Variants in DZIP3 observed in about 807,000 individuals in gnomAD.
The protein encoded by DZIP3 is E3 ubiquitin-protein ligase DZIP3.
Under a neutral mutation model 162.0 loss-of-function variants are expected in DZIP3, and 118 were observed. That is an observed-to-expected ratio of 0.73 (90% CI 0.63 to 0.85). The LOEUF is 0.85. Ranked by LOEUF, DZIP3 falls within the 40% of genes least tolerant of loss-of-function variation. The probability of loss-of-function intolerance (pLI) is 0.00; values close to 1 mark genes in which losing one functional copy is unlikely to be tolerated. For synonymous variants in DZIP3, 438 were observed against 458.6 expected, an observed-to-expected ratio of 0.96 and a Z score of 0.57; for missense variants, 1,331 against 1,407.0, an observed-to-expected ratio of 0.95 and a Z score of 0.86.
At chr3:108,664,987 C>T (rs1943609621) in intron 21 of DZIP3, among the ~76,000 whole-genome samples, 1 of 152,128 alleles carries the variant, frequency 6.6e-6, no homozygotes. Flanking sequence ...TTGGCTTTTA[C>T]ATTATGCCTC....
In DZIP3 at chr3:108,672,440, A is replaced by C. The variant is rs1391204449; in HGVS notation, c.2493-120A>C. The C allele has an allele frequency of 1.2e-5, 10 of 802,026 alleles. No homozygotes were observed. The African/African-American group carries it at 1.6e-4, about 12-fold the overall frequency. 49.7% of individuals were successfully genotyped at this position (802,026 alleles called of 1,614,324 possible). A position where few individuals can be genotyped will look rare whatever the true frequency, so the allele number is the denominator to read the frequency against. The stretch of plus-strand genomic sequence containing the variant: ...ATCTTCTCTTGTTTCTATGTGCTCT[A>C]TACTTTTCCAAGAAATAATTTCCTA... On this transcript the variant is annotated intron_variant, in intron 22 of 32. Coordinates refer to ENST00000361582, the MANE Select transcript of DZIP3 (RefSeq NM_014648.4).
At chr3:108,625,206 T>G (rs977291918) in intron 6 of DZIP3, among the ~76,000 whole-genome samples, 5 of 152,174 alleles carry the variant, frequency 3.3e-5, no homozygotes, top group African/African-American at 1.2e-4. Context: ...CTGAAGCATC[T>G]ATTATAACAG....
At chr3:108,634,502 G>GT (rs1942047881) in intron 9 of DZIP3, among the ~76,000 whole-genome samples, 1 of 152,082 alleles carries the variant, frequency 6.6e-6, no homozygotes, top group Non-Finnish European at 1.5e-5. Flanking sequence ...GATTCAGGCA[G>GT]TAATGGTATG....
At chr3:108,606,203 A>G (rs1478663074) in intron 2 of DZIP3, among the ~76,000 whole-genome samples, 1 of 152,204 alleles carries the variant, frequency 6.6e-6, no homozygotes, top group African/African-American at 2.4e-5. Context: ...AGCATGATGC[A>G]GAAGACCCTG....
In DZIP3 at chr3:108,611,172, A is replaced by G. The variant is rs1234539200; in HGVS notation, c.103-2A>G. ...AAATTTTTAATCAATAATGTCTTCT[A>G]GAACAAACAGGAAAATGACATACCT... On this transcript the variant is annotated splice_acceptor_variant, in intron 3 of 32. Coordinates refer to ENST00000361582, the MANE Select transcript of DZIP3 (RefSeq NM_014648.4). LOFTEE classifies it high-confidence loss of function. The G allele has an allele frequency of 6.3e-7, 1 of 1,584,140 alleles. No homozygotes were observed.
intron 12 of DZIP3, 100 bp from the exon 13 acceptor site, chr3:108,642,338 G>A: frequency 8.1e-7 from 1 of 1,235,740 alleles, no homozygotes; most frequent in East Asian, 3.0e-5. Flanking sequence ...ATTTCTAGGA[G>A]AAGATGAAAA....
intron 19 of DZIP3, among the ~76,000 whole-genome samples, chr3:108,658,044 G>GTTTTTTTTA (rs771755899): frequency 8.6e-5 from 13 of 151,958 alleles, no homozygotes; most frequent in Admixed American, 8.5e-4. Flanking sequence ...AATCATGGGA[G>GTTTTTTTTA]ACTTTAACAC....
In DZIP3 at chr3:108,647,957, G is replaced by T; in HGVS notation, c.1807G>T (p.Glu603Ter). The change falls in exon 16 of 33, where the codon GAG becomes TAG. Residue 603 changes from glutamate (E) to a stop codon, truncating the protein, a stop_gained. Coordinates refer to ENST00000361582, the MANE Select transcript of DZIP3 (RefSeq NM_014648.4). LOFTEE classifies it high-confidence loss of function. ...ITGSQRIEIE[E>*]LQNEEEELSP... The stretch of plus-strand genomic sequence containing the variant: ...TTTATGTTTAGGTATTGAAATAGAA[G>T]AGTTACAGAATGAGGAAGAAGAACT... The T allele has an allele frequency of 6.4e-7, 1 of 1,558,208 alleles. No individual in the cohort carries two copies. The highest frequency in any genetic ancestry group is 8.6e-7 in the Non-Finnish European group (1 of 1,159,294).
Position 108,611,198 on chromosome 3 carries a change from A to G in DZIP3, c.127A>G (p.Thr43Ala). Residue 43 changes from threonine (T) to alanine (A), a missense_variant, in exon 4 of 33, where the codon ACT becomes GCT. Thr to Ala is a moderately conservative substitution (Grantham distance 58, BLOSUM62 0). Coordinates refer to ENST00000361582, the MANE Select transcript of DZIP3 (RefSeq NM_014648.4). ...GAACAAACAGGAAAATGACATACCT[A>G]CTGATCTTGTCCCTGTTAACCTACT... ...QLNKQENDIP[T>A]DLVPVNLLLE... 1 of 1,600,974 alleles carries G rather than the reference A, an allele frequency of 6.2e-7. No homozygotes were observed. Among genetic ancestry groups the G allele is most frequent in the Non-Finnish European group, 8.5e-7 (1 of 1,177,040 alleles).
Position 108,672,542 on chromosome 3 carries a change from A to G in DZIP3, c.2493-18A>G, listed in dbSNP as rs1559775924. On this transcript the variant is annotated intron_variant, in intron 22 of 32. Transcript: ENST00000361582. ...GCTTGATGTAATATTGCGAGTCTTTAATGATCATGTATTTCAGATCTCAGT... is the reference window on the plus strand; with the variant it reads ...GCTTGATGTAATATTGCGAGTCTTTGATGATCATGTATTTCAGATCTCAGT... The G allele has an allele frequency of 1.3e-6, 2 of 1,599,378 alleles. No individual in the cohort carries two copies. The highest frequency in any genetic ancestry group is 3.3e-5 in the Admixed American group (2 of 59,748).
intron 5 of DZIP3, among the ~76,000 whole-genome samples, chr3:108,617,854 C>T (rs774856212): frequency 9.2e-5 from 14 of 152,178 alleles, no homozygotes; most frequent in Non-Finnish European, 2.1e-4. Flanking sequence ...TGAAATCAGC[C>T]TTAACAGGTA....
At chr3:108,594,206 T>C (rs1641117914) in intron 1 of DZIP3, among the ~76,000 whole-genome samples, 1 of 152,128 alleles carries the variant, frequency 6.6e-6, no homozygotes, top group Non-Finnish European at 1.5e-5. Flanking sequence ...TTTATTCAGC[T>C]TTTCAAGAAC....
intron 32 of DZIP3, among the ~76,000 whole-genome samples, chr3:108,691,681 G>A (rs2107448780): frequency 6.6e-6 from 1 of 152,288 alleles, no homozygotes; most frequent in Admixed American, 6.5e-5. Flanking sequence ...AGGAAAGTGA[G>A]TGAGACTTCC....
intron 3 of DZIP3, among the ~76,000 whole-genome samples, chr3:108,608,544 C>T (rs562958946): frequency 2.6e-4 from 39 of 152,110 alleles, no homozygotes; most frequent in Non-Finnish European, 4.9e-4. Flanking sequence ...TTTACTAAGA[C>T]GTTTGAGTCA....
chr3:108,634,187 G>A (rs1280318078), intron 9 of DZIP3, among the ~76,000 whole-genome samples: 1 of 152,122 alleles, frequency 6.6e-6, no homozygotes, highest in African/African-American at 2.4e-5. Context: ...AGTGAGCCTG[G>A]TGAGATGTAG....
chr3:108,678,932 C>T (rs1388660801), intron 26 of DZIP3, among the ~76,000 whole-genome samples: 1 of 147,076 alleles, frequency 6.8e-6, no homozygotes, highest in Non-Finnish European at 1.5e-5. Context: ...ATGGGATATA[C>T]ATCATGGGCT....
In DZIP3 at chr3:108,643,573, T is replaced by G. The variant is rs77730685; in HGVS notation, c.1142-591T>G. Among the ~76,000 whole-genome samples the G allele has an allele frequency of 9.8e-4, 148 of 150,938 alleles. 2 individuals carry two copies. In the East Asian group the frequency reaches 0.026, roughly 26 times the overall value. On this transcript the variant is annotated intron_variant, in intron 13 of 32. Coordinates refer to ENST00000361582, the MANE Select transcript of DZIP3 (RefSeq NM_014648.4). ...CCTTTGAGTAGCAAGGAGCTAGATC[T>G]TTTGGCATTTCTTGATATAGATCTG... is the stretch of plus-strand genomic sequence containing the variant.
chr3:108,606,484 A>G lies in DZIP3; in HGVS notation c.32+1046A>G, dbSNP rs537063835. Among the ~76,000 whole-genome samples, 13 of 152,300 alleles carry G rather than the reference A, an allele frequency of 8.5e-5. No homozygotes were observed. In the South Asian group the frequency reaches 2.3e-3, roughly 27 times the overall value. ...TATAGTGGGAAGATATATAAAAAGTAATTATATCTTTAGGCAAATTGCATA... is the reference window on the plus strand; with the variant it reads ...TATAGTGGGAAGATATATAAAAAGTGATTATATCTTTAGGCAAATTGCATA... On this transcript the variant is annotated intron_variant, in intron 2 of 32. Transcript: ENST00000361582.
chr3:108,670,054 C>G (rs1477869890), intron 22 of DZIP3, among the ~76,000 whole-genome samples: 3 of 151,890 alleles, frequency 2.0e-5, no homozygotes, highest in Non-Finnish European at 4.4e-5. Flanking sequence ...CCAGTCAGTA[C>G]TATTAGATGT....
Sources: gnomAD v4.1 joint callset for allele counts (sites outside exome capture counted in the v4.1 genomes callset) on GRCh38, gnomAD v4.1.1 for gene constraint, MANE v1.5 for transcripts, NCBI Gene and HGNC (gene_info 2026-07-23, HGNC 2026-07-21) for gene names.